SNTG1: variants seen among roughly 807,000 people sequenced by gnomAD.
SNTG1 encodes the protein syntrophin gamma 1.
SNTG1 carries 39 observed loss-of-function variants against 74.7 expected under a neutral mutation model. That is an observed-to-expected ratio of 0.52 (90% CI 0.40 to 0.68). SNTG1 has a LOEUF of 0.68. Among genes scored for constraint, SNTG1 ranks in the 30% least tolerant of loss-of-function variants. SNTG1 has a pLI of 0.00. For missense variants in SNTG1, 685 were observed against 609.5 expected (o/e 1.12, Z -1.30); for synonymous variants, 254 against 217.1 (o/e 1.17, Z -1.49).
intron 2 of SNTG1, among the ~76,000 whole-genome samples, chr8:50,176,442 T>C (rs746621001): frequency 2.0e-5 from 3 of 152,210 alleles, no homozygotes; most frequent in Non-Finnish European, 2.9e-5. Flanking sequence ...CTTCATATCC[T>C]GGGCAACTTT....
At chr8:50,709,469 TA>T (rs151095991) in intron 17 of SNTG1, among the ~76,000 whole-genome samples, 3,806 of 152,308 alleles carry the variant, frequency 0.025, 63 homozygotes, top group Middle Eastern at 0.041. Flanking sequence ...AGGACTTTTA[TA>T]AACACTTGAC....
intron 1 of SNTG1, among the ~76,000 whole-genome samples, chr8:49,999,504 A>C (rs1470792459): frequency 6.6e-6 from 1 of 152,180 alleles, no homozygotes; most frequent in Non-Finnish European, 1.5e-5. Context: ...AGTATCTCTC[A>C]GTGACTTACA....
At chr8:49,915,896 T>C (rs1366987335) in intron 1 of SNTG1, among the ~76,000 whole-genome samples, 1 of 152,184 alleles carries the variant, frequency 6.6e-6, no homozygotes, top group African/African-American at 2.4e-5. Flanking sequence ...TAGGCCTCTT[T>C]AGGACATCTC....
chr8:50,680,203 CT>C (rs1438556464), intron 15 of SNTG1, among the ~76,000 whole-genome samples: 1 of 152,132 alleles, frequency 6.6e-6, no homozygotes, highest in African/African-American at 2.4e-5. Flanking sequence ...GTGCAGATAG[CT>C]TCTTCAAAAA....
intron 2 of SNTG1, among the ~76,000 whole-genome samples, chr8:50,203,360 G>A (rs1209148138): frequency 6.6e-6 from 1 of 152,046 alleles, no homozygotes; most frequent in Non-Finnish European, 1.5e-5. Flanking sequence ...AATCTCAGCT[G>A]TTTCTCTGTG....
At chr8:50,567,276 A>T (rs1019746452) in intron 12 of SNTG1, among the ~76,000 whole-genome samples, 1 of 152,072 alleles carries the variant, frequency 6.6e-6, no homozygotes, top group African/African-American at 2.4e-5. Flanking sequence ...TTCATGAATC[A>T]ATCCTTCCCA....
chr8:50,323,714 C>T (rs1322922585), intron 2 of SNTG1, among the ~76,000 whole-genome samples: 1 of 152,142 alleles, frequency 6.6e-6, no homozygotes, highest in Admixed American at 6.5e-5. Context: ...GTGGCCACCA[C>T]CACTGGGACT....
At chr8:50,187,443 C>A (rs2083424648) in intron 2 of SNTG1, among the ~76,000 whole-genome samples, 1 of 152,086 alleles carries the variant, frequency 6.6e-6, no homozygotes, top group South Asian at 2.1e-4. Context: ...AGAAATGGTT[C>A]TGGGTAAACT....
chr8:50,605,821 C>T (rs1585825458), intron 13 of SNTG1, among the ~76,000 whole-genome samples: 2 of 152,132 alleles, frequency 1.3e-5, no homozygotes, highest in Middle Eastern at 6.8e-3. Context: ...TTTTATTCAG[C>T]CATCTTGCTC....
Position 50,367,677 on chromosome 8 carries a change from A to G in SNTG1, c.-27-26535A>G, listed in dbSNP as rs143797096. ...ACTCATTCAATCATGAAACTGTATCAGGATATAATATCTAGTAATTACCTG... is the reference window on the plus strand; with the variant it reads ...ACTCATTCAATCATGAAACTGTATCGGGATATAATATCTAGTAATTACCTG... On this transcript the variant is annotated intron_variant, in intron 2 of 18. Coordinates refer to ENST00000642720, the MANE Select transcript of SNTG1 (RefSeq NM_018967.5). Among the ~76,000 whole-genome samples the G allele has an allele frequency of 5.3e-5, 8 of 152,144 alleles. No homozygotes were observed. The East Asian group carries it at 1.5e-3, about 29-fold the overall frequency.
chr8:50,294,073 A>G (rs1170933059), intron 2 of SNTG1, among the ~76,000 whole-genome samples: 6 of 152,210 alleles, frequency 3.9e-5, no homozygotes, highest in African/African-American at 1.4e-4. Flanking sequence ...CAAGTTGTGC[A>G]AATAGGTACA....
At chr8:50,103,036 G>A (rs376145624) in intron 1 of SNTG1, among the ~76,000 whole-genome samples, 18 of 151,576 alleles carry the variant, frequency 1.2e-4, no homozygotes, top group Non-Finnish European at 1.5e-4. Flanking sequence ...TTGACTTGGC[G>A]ATGCGGGCTC....
intron 1 of SNTG1, among the ~76,000 whole-genome samples, chr8:50,039,249 A>G (rs1366885778): frequency 2.6e-5 from 4 of 151,998 alleles, no homozygotes; most frequent in Non-Finnish European, 5.9e-5. Flanking sequence ...AGGTCAGGAG[A>G]TCGAGACCAT....
At chr8:50,624,960 A>T (rs1247464384) in intron 13 of SNTG1, among the ~76,000 whole-genome samples, 1 of 152,104 alleles carries the variant, frequency 6.6e-6, no homozygotes, top group Non-Finnish European at 1.5e-5. Context: ...AAAGTACTCA[A>T]TTTATTTTCC....
chr8:49,976,817 G>A (rs1326812750), intron 1 of SNTG1, among the ~76,000 whole-genome samples: 1 of 152,048 alleles, frequency 6.6e-6, no homozygotes, highest in Non-Finnish European at 1.5e-5. Context: ...TGGGTACAAT[G>A]GGAAGCCACC....
intron 1 of SNTG1, among the ~76,000 whole-genome samples, chr8:50,135,161 G>A (rs2081432314): frequency 6.6e-6 from 1 of 152,098 alleles, no homozygotes; most frequent in African/African-American, 2.4e-5. Flanking sequence ...AACAAGAAAA[G>A]GCATGAAAAG....
At chr8:50,160,460 G>T (rs961304467) in intron 1 of SNTG1, among the ~76,000 whole-genome samples, 3 of 152,102 alleles carry the variant, frequency 2.0e-5, no homozygotes, top group South Asian at 2.1e-4. Flanking sequence ...AGGGTCATAT[G>T]GATTGCTTAA....
chr8:49,936,752 A>C (rs1238717012), intron 1 of SNTG1, among the ~76,000 whole-genome samples: 1 of 152,194 alleles, frequency 6.6e-6, no homozygotes, highest in African/African-American at 2.4e-5. Flanking sequence ...ACAAGTGAAG[A>C]GCAAACATGG....
At position 50,382,754 on chromosome 8, in the gene SNTG1, C is replaced by T. The variant is rs933496885; in HGVS notation, c.-27-11458C>T. Among the ~76,000 whole-genome samples, 23 of 152,008 alleles carry T rather than the reference C, an allele frequency of 1.5e-4. 1 individual carries two copies. The highest frequency in any genetic ancestry group is 2.6e-4 in the Non-Finnish European group (18 of 67,996). On this transcript the variant is annotated intron_variant, in intron 2 of 18. Transcript: ENST00000642720. ...CACAACTGTATCAGTCAGGATTCTC[C>T]GGACCAGCTGAAGCAGTAGAATATC... is the stretch of plus-strand genomic sequence containing the variant.
Sources: allele counts gnomAD v4.1 joint callset (sites outside exome capture counted in the v4.1 genomes callset), GRCh38; gene constraint gnomAD v4.1.1; transcripts MANE v1.5; gene names NCBI Gene and HGNC (gene_info 2026-07-23, HGNC 2026-07-21).